The following TUBA4B variants were observed in gnomAD, a reference collection of about 807,000 sequenced individuals.
The protein encoded by TUBA4B is tubulin-like protein alpha-4B.
In TUBA4B, 13 loss-of-function variants were observed where a neutral mutation model predicts 18.4. That is an observed-to-expected ratio of 0.71 (90% confidence interval 0.46 to 1.12). The LOEUF is 1.12. TUBA4B is among the 50% of genes most tolerant of loss of function. TUBA4B has a pLI of 0.00. For synonymous variants in TUBA4B, 101 were observed against 99.1 expected, an observed-to-expected ratio of 1.02 and a Z score of -0.11; for missense variants, 244 against 250.0, an observed-to-expected ratio of 0.98 and a Z score of 0.16.
In TUBA4B at chr2:219,253,809, G is replaced by C. The variant is rs939574; in HGVS notation, c.12+390G>C. The C allele has an allele frequency of 0.87, 1,334,998 of 1,533,286 alleles. 588,985 individuals carry two copies. Among genetic ancestry groups the C allele is most frequent in the Non-Finnish European group, 0.9 (1,028,762 of 1,141,336 alleles). 95.0% of individuals were successfully genotyped at this position (1,533,286 alleles called of 1,614,324 possible). A position where few individuals can be genotyped will look rare whatever the true frequency, so the allele number is the denominator to read the frequency against. On this transcript the variant is annotated intron_variant, in intron 1 of 3. Coordinates refer to ENST00000490341, the MANE Select transcript of TUBA4B (RefSeq NM_001355221.1). ...CCTGGAAGAAGTGTCCCCCAAAGGA[G>C]AGGGGCAATTAGGGGACAGGCGCGA...
intron 1 of TUBA4B, among the ~76,000 whole-genome samples, chr2:219,257,843 T>C (rs1052948791): frequency 6.7e-6 from 1 of 150,094 alleles, no homozygotes; most frequent in Non-Finnish European, 1.5e-5. Flanking sequence ...ATACACACAC[T>C]ATATATATAT....
intron 2 of TUBA4B, among the ~76,000 whole-genome samples, chr2:219,267,854 C>T (rs1007868349): frequency 2.6e-5 from 4 of 152,164 alleles, no homozygotes; most frequent in Non-Finnish European, 5.9e-5. Flanking sequence ...TGAGCCACTG[C>T]ACCCGGCCAG....
At chr2:219,256,848 A>G (rs1190679452) in intron 1 of TUBA4B, among the ~76,000 whole-genome samples, 1 of 152,064 alleles carries the variant, frequency 6.6e-6, no homozygotes, top group Non-Finnish European at 1.5e-5. Context: ...TTATAAAATA[A>G]AGAAGAGGTC....
chr2:219,266,452 A>T, intron 1 of TUBA4B, 69 bp from the exon 2 acceptor site: 1 of 670,842 alleles, frequency 1.5e-6, no homozygotes. Flanking sequence ...CCACCCAGCG[A>T]GTATAAGGAG....
intron 2 of TUBA4B, among the ~76,000 whole-genome samples, chr2:219,268,793 G>A (rs771813432): frequency 2.6e-5 from 4 of 152,132 alleles, no homozygotes; most frequent in Non-Finnish European, 5.9e-5. Flanking sequence ...ATGCAAAAAG[G>A]TATAAATAAT....
At chr2:219,270,067 T>C in intron 2 of TUBA4B, 135 bp from the exon 3 acceptor site, 1 of 621,458 alleles carries the variant, frequency 1.6e-6, no homozygotes, top group South Asian at 1.8e-5. Context: ...TCCAAGCAGG[T>C]AATAGCAGCA....
Position 219,262,676 on chromosome 2 carries a change from T to C in TUBA4B, c.13-3845T>C, listed in dbSNP as rs565773298. ...GCATGTGCCACCACACCCAGCTAAT[T>C]AAAAAAAAATTTTTTTTTTTGTGGA... On this transcript the variant is annotated intron_variant, in intron 1 of 3. Coordinates refer to ENST00000490341, the MANE Select transcript of TUBA4B (RefSeq NM_001355221.1). Among the ~76,000 whole-genome samples the C allele has an allele frequency of 1.5e-4, 23 of 151,794 alleles. No homozygotes were observed. In the South Asian group the frequency reaches 2.7e-3, roughly 18 times the overall value.
Position 219,271,877 on chromosome 2 carries a change from T to G in TUBA4B, c.*178T>G. 1 of 1,453,204 alleles carries G rather than the reference T, an allele frequency of 6.9e-7. No homozygotes were observed. 90.0% of individuals were successfully genotyped at this position (1,453,204 alleles called of 1,614,324 possible). A position where few individuals can be genotyped will look rare whatever the true frequency, so the allele number is the denominator to read the frequency against. On this transcript the variant is annotated 3_prime_UTR_variant, in exon 4 of 4. Coordinates refer to ENST00000490341, the MANE Select transcript of TUBA4B (RefSeq NM_001355221.1). ...ATCAATCACCAGCCTCCCACTGTGG[T>G]GCCTGGGAGTGACCTGGTAAAGTGC...
intron 1 of TUBA4B, among the ~76,000 whole-genome samples, chr2:219,264,458 T>C (rs1316117814): frequency 8.4e-6 from 1 of 119,618 alleles, no homozygotes; most frequent in Non-Finnish European, 1.6e-5. Context: ...AGGCCCTGTC[T>C]CAAAAAAAAA....
Position 219,258,633 on chromosome 2 carries a change from C to T in TUBA4B, c.12+5214C>T, listed in dbSNP as rs367999987. Reference sequence around the variant, plus strand: ...GCATGATTCACCATGCCCAGCCCACCTGGCTCATTTTGGACTTCTGAACTC... The same window carrying T: ...GCATGATTCACCATGCCCAGCCCACTTGGCTCATTTTGGACTTCTGAACTC... On this transcript the variant is annotated intron_variant, in intron 1 of 3. Transcript: ENST00000490341. 2.3e-4 allele frequency among the ~76,000 whole-genome samples: 35 copies of T among 152,270 alleles called. 1 individual carries two copies. Among genetic ancestry groups the T allele is most frequent in the Middle Eastern group, 6.8e-3 (2 of 294 alleles).
At chr2:219,269,861 C>T (rs1951814847) in intron 2 of TUBA4B, among the ~76,000 whole-genome samples, 3 of 152,108 alleles carry the variant, frequency 2.0e-5, no homozygotes, top group Admixed American at 6.5e-5. Context: ...CAGTCCCAGC[C>T]ACAACCTTGT....
intron 1 of TUBA4B, chr2:219,254,602 T>A (rs1951701448): frequency 6.6e-6 from 1 of 152,172 alleles, no homozygotes; most frequent in Non-Finnish European, 1.5e-5. Flanking sequence ...TCAGTGGCGC[T>A]GTCATCAGCG....
intron 3 of TUBA4B, among the ~76,000 whole-genome samples, chr2:219,270,925 C>T (rs1276777889): frequency 2.6e-5 from 4 of 152,070 alleles, no homozygotes; most frequent in South Asian, 2.1e-4. Flanking sequence ...CATCATACCC[C>T]TCTTTTCCAG....
At chr2:219,268,350 C>G (rs75604620) in intron 2 of TUBA4B, among the ~76,000 whole-genome samples, 1 of 152,102 alleles carries the variant, frequency 6.6e-6, no homozygotes, top group South Asian at 2.1e-4. Flanking sequence ...CTGCCTTGGC[C>G]TCCCAAAGTG....
chr2:219,255,036 T>G (rs1951705972), intron 1 of TUBA4B, among the ~76,000 whole-genome samples: 2 of 152,068 alleles, frequency 1.3e-5, no homozygotes, highest in African/African-American at 4.8e-5. Flanking sequence ...AAGCTACTTC[T>G]GCTTTCTCTT....
intron 1 of TUBA4B, among the ~76,000 whole-genome samples, chr2:219,257,169 GA>G (rs765384635): frequency 6.8e-6 from 1 of 146,276 alleles, no homozygotes; most frequent in Non-Finnish European, 1.5e-5. Context: ...TCAGCCTCCC[GA>G]GTAGCTGGGA....
intron 1 of TUBA4B, among the ~76,000 whole-genome samples, chr2:219,263,349 G>A (rs184367571): frequency 6.6e-6 from 1 of 152,128 alleles, no homozygotes; most frequent in East Asian, 1.9e-4. Context: ...AAAAATTAGC[G>A]GGGTGTGTTG....
chr2:219,264,068 G>A (rs1305281028), intron 1 of TUBA4B, among the ~76,000 whole-genome samples: 1 of 152,242 alleles, frequency 6.6e-6, no homozygotes, highest in Non-Finnish European at 1.5e-5. Context: ...GCGGATGCCT[G>A]AAATGGCGGA....
rs759292093 is a variant in TUBA4B at position 219,271,359 on chromosome 2, C to G, written c.386C>G (p.Thr129Ser). ...AMVQPYNSIL[T>S]THTTLEHSDC... ...GTCCAGCCCTACAACTCTATCCTGA[C>G]CACCCACACCACCCTGGAGCACTCA... The change falls in exon 4 of 4, where the codon ACC becomes AGC. Residue 129 changes from threonine (T) to serine (S), a missense_variant. Thr to Ser is a moderately conservative substitution (Grantham distance 58, BLOSUM62 1). Transcript: ENST00000490341. 6 of 1,614,166 alleles carry G rather than the reference C, an allele frequency of 3.7e-6. No homozygotes were observed. The Admixed American group carries it at 5.0e-5, about 13-fold the overall frequency.
Sources: gnomAD v4.1 joint callset for allele counts (sites outside exome capture counted in the v4.1 genomes callset) on GRCh38, gnomAD v4.1.1 for gene constraint, MANE v1.5 for transcripts, NCBI Gene and HGNC (gene_info 2026-07-23, HGNC 2026-07-21) for gene names.